The following COL24A1 variants were observed in gnomAD, a reference collection of about 807,000 sequenced individuals.
The protein encoded by COL24A1 is collagen alpha-1(XXIV) chain.
A neutral mutation model predicts 253.9 loss-of-function variants in COL24A1; 224 were observed. The ratio of observed to expected loss-of-function variants is 0.88; its 90% CI spans 0.79 to 0.99. The LOEUF is 0.99. Among genes scored for constraint, COL24A1 ranks in the 50% least tolerant of loss-of-function variants. The probability of loss-of-function intolerance (pLI) is 0.00; values close to 1 mark genes in which losing one functional copy is unlikely to be tolerated. For synonymous variants in COL24A1, 685 were observed against 673.7 expected, an observed-to-expected ratio of 1.02 and a Z score of -0.26; for missense variants, 2,131 against 2,068.5, an observed-to-expected ratio of 1.03 and a Z score of -0.59.
chr1:85,869,408 A>G (rs1374036655), intron 35 of COL24A1, among the ~76,000 whole-genome samples: 1 of 152,150 alleles, frequency 6.6e-6, no homozygotes, highest in African/African-American at 2.4e-5. Context: ...GATTCACCAA[A>G]GTTGAAAAGA....
At chr1:86,132,317 C>T (rs1048897068) in intron 2 of COL24A1, among the ~76,000 whole-genome samples, 1 of 152,080 alleles carries the variant, frequency 6.6e-6, no homozygotes, top group African/African-American at 2.4e-5. Flanking sequence ...CTGTAGGTTG[C>T]CTGTTCACTG....
chr1:85,886,301 G>A (rs182219027), intron 32 of COL24A1, among the ~76,000 whole-genome samples: 126 of 151,746 alleles, frequency 8.3e-4, no homozygotes, highest in African/African-American at 2.3e-3. Flanking sequence ...CATCTGCCTC[G>A]GCCTCCCAAA....
chr1:85,764,367 G>A (rs1313136091), intron 53 of COL24A1, among the ~76,000 whole-genome samples: 1 of 151,722 alleles, frequency 6.6e-6, no homozygotes, highest in Non-Finnish European at 1.5e-5. Context: ...AGCACCACAA[G>A]TCATAGGGCG....
chr1:85,781,179 A>G (rs749510679), intron 52 of COL24A1, 41 bp downstream of exon 52: 7 of 1,409,580 alleles, frequency 5.0e-6, no homozygotes, highest in Non-Finnish European at 6.8e-6. Flanking sequence ...AGAATTAAAG[A>G]AAAAAAAGAG....
intron 37 of COL24A1, among the ~76,000 whole-genome samples, chr1:85,855,283 G>A (rs1245660422): frequency 6.6e-6 from 1 of 151,878 alleles, no homozygotes; most frequent in Non-Finnish European, 1.5e-5. Flanking sequence ...TAGGAGTGGT[G>A]AGAGTTCCAT....
At chr1:86,095,299 C>A (rs1703816195) in intron 5 of COL24A1, among the ~76,000 whole-genome samples, 1 of 151,948 alleles carries the variant, frequency 6.6e-6, no homozygotes, top group Non-Finnish European at 1.5e-5. Context: ...TTAAAGGGTA[C>A]TTTTTCTTCA....
At chr1:85,871,939 T>C (rs1680552741) in intron 35 of COL24A1, among the ~76,000 whole-genome samples, 1 of 152,110 alleles carries the variant, frequency 6.6e-6, no homozygotes, top group African/African-American at 2.4e-5. Context: ...GATTGTATAT[T>C]TAGAAAACCC....
rs562407660 is a variant in COL24A1 at position 85,875,969 on chromosome 1, C to G, written c.3031-639G>C. Reference sequence around the variant, plus strand: ...ATAAACATGCTATGTGTGCCCCTCCCTTCCCTTTAGGGAAGAGAAGAGTTT... The same window carrying G: ...ATAAACATGCTATGTGTGCCCCTCCGTTCCCTTTAGGGAAGAGAAGAGTTT... On this transcript the variant is annotated intron_variant, in intron 33 of 59. Transcript: ENST00000370571. Among the ~76,000 whole-genome samples the G allele has an allele frequency of 1.3e-3, 200 of 152,186 alleles. 1 individual carries two copies. Among genetic ancestry groups the G allele is most frequent in the African/African-American group, 4.6e-3 (192 of 41,524 alleles).
intron 33 of COL24A1, among the ~76,000 whole-genome samples, chr1:85,876,606 G>A: frequency 6.6e-6 from 1 of 152,092 alleles, no homozygotes; most frequent in Non-Finnish European, 1.5e-5. Context: ...GGAAGTAAAA[G>A]GGCAACTTCA....
chr1:85,813,884 T>G lies in COL24A1; in HGVS notation c.3951+2904A>C, dbSNP rs186171667. ...GTCTTTGAATCTTGAAAAAGTGGCA[T>G]GAAGATGCATGACAGTTTAGAAATT... On this transcript the variant is annotated intron_variant, in intron 47 of 59. Coordinates refer to ENST00000370571, the MANE Select transcript of COL24A1 (RefSeq NM_152890.7). Among the ~76,000 whole-genome samples, 15 of 152,288 alleles carry G rather than the reference T, an allele frequency of 9.8e-5. No individual in the cohort carries two copies. The East Asian group carries it at 2.7e-3, about 27-fold the overall frequency.
intron 55 of COL24A1, among the ~76,000 whole-genome samples, chr1:85,759,273 G>T (rs376173753): frequency 8.5e-5 from 13 of 152,222 alleles, no homozygotes; most frequent in African/African-American, 3.1e-4. Context: ...AGCTTAAATG[G>T]AAGGAGAATT....
At chr1:85,770,566 T>C (rs948908666) in intron 53 of COL24A1, among the ~76,000 whole-genome samples, 7 of 152,090 alleles carry the variant, frequency 4.6e-5, no homozygotes, top group Non-Finnish European at 7.3e-5. Context: ...AATATGTTAA[T>C]TTGCTTAAAA....
At chr1:85,769,987 C>T (rs938945667) in intron 53 of COL24A1, among the ~76,000 whole-genome samples, 1 of 152,066 alleles carries the variant, frequency 6.6e-6, no homozygotes, top group Non-Finnish European at 1.5e-5. Flanking sequence ...GTCCCAGCCA[C>T]AGTACTTGGA....
intron 47 of COL24A1, among the ~76,000 whole-genome samples, chr1:85,807,402 C>A (rs1467522801): frequency 6.6e-6 from 1 of 152,008 alleles, no homozygotes; most frequent in Non-Finnish European, 1.5e-5. Flanking sequence ...CACTGGAATC[C>A]CTGAGTGGTA....
At chr1:85,776,304 T>C (rs1397681022) in intron 52 of COL24A1, among the ~76,000 whole-genome samples, 1 of 152,128 alleles carries the variant, frequency 6.6e-6, no homozygotes, top group Non-Finnish European at 1.5e-5. Context: ...AGAATATACC[T>C]TCTATGACCT....
chr1:85,956,443 A>G (rs756192187), intron 24 of COL24A1, among the ~76,000 whole-genome samples: 2 of 152,170 alleles, frequency 1.3e-5, no homozygotes, highest in Non-Finnish European at 2.9e-5. Flanking sequence ...TCGGTCATTT[A>G]TTATACATTA....
At chr1:86,131,260 T>C (rs947252362) in intron 2 of COL24A1, among the ~76,000 whole-genome samples, 9 of 152,052 alleles carry the variant, frequency 5.9e-5, no homozygotes, top group Admixed American at 5.3e-4. Context: ...TCCAGGTGCA[T>C]AGTATGATCA....
chr1:85,892,085 T>A (rs578063623), intron 31 of COL24A1, among the ~76,000 whole-genome samples: 24 of 152,220 alleles, frequency 1.6e-4, no homozygotes, highest in African/African-American at 5.8e-4. Flanking sequence ...ATGAAAGATT[T>A]CCTATATCAA....
intron 53 of COL24A1, among the ~76,000 whole-genome samples, chr1:85,762,558 T>TA (rs1666946943): frequency 6.6e-6 from 1 of 152,184 alleles, no homozygotes; most frequent in Non-Finnish European, 1.5e-5. Flanking sequence ...TTAATACTAG[T>TA]TAATACTAGT....
Sources: gnomAD v4.1 joint callset for allele counts (sites outside exome capture counted in the v4.1 genomes callset) on GRCh38, gnomAD v4.1.1 for gene constraint, MANE v1.5 for transcripts, NCBI Gene and HGNC (gene_info 2026-07-23, HGNC 2026-07-21) for gene names.